Variants in TMEM132D observed in about 807,000 individuals in gnomAD.
TMEM132D encodes mature OL transmembrane protein.
Under a neutral mutation model 62.3 loss-of-function variants are expected in TMEM132D, and 21 were observed. The ratio of observed to expected loss-of-function variants is 0.34; its 90% CI spans 0.24 to 0.49. TMEM132D has a LOEUF of 0.49. TMEM132D is among the 20% of genes least tolerant of loss of function. The pLI, the probability that TMEM132D is intolerant of heterozygous loss-of-function variation, is 0.99. For missense variants in TMEM132D, 1,346 were observed against 1,402.8 expected (o/e 0.96, Z 0.65); for synonymous variants, 621 against 575.6 (o/e 1.08, Z -1.13).
chr12:129,417,686 G>A (rs556312840), intron 3 of TMEM132D, among the ~76,000 whole-genome samples: 63 of 152,140 alleles, frequency 4.1e-4, no homozygotes, highest in Non-Finnish European at 8.2e-4. Context: ...GCAAAAAAGT[G>A]CCAAAATTGA....
At chr12:129,202,808 C>T (rs769566556) in intron 5 of TMEM132D, among the ~76,000 whole-genome samples, 29 of 152,166 alleles carry the variant, frequency 1.9e-4, no homozygotes, top group Admixed American at 5.2e-4. Context: ...TCAGGTATTA[C>T]ACCTCCAGGG....
chr12:129,337,780 C>A lies in TMEM132D; in HGVS notation c.1153G>T (p.Val385Leu). The A allele has an allele frequency of 6.2e-7, 1 of 1,613,716 alleles. No homozygotes were observed. Among genetic ancestry groups the A allele is most frequent in the Non-Finnish European group, 8.5e-7 (1 of 1,179,784 alleles). Residue 385 changes from valine (V) to leucine (L), a missense_variant, in exon 4 of 9, where the codon GTG (valine) becomes TTG (leucine). By Grantham distance (32) the Val-to-Leu change is conservative. Coordinates refer to ENST00000422113, the MANE Select transcript of TMEM132D (RefSeq NM_133448.3). ...AGGTCACCAGGCTCTTCCACCTCCA[C>A]ATCGATCTGCATGACCTCGTAGGAG... Reference protein sequence around the residue: ...GASYEVMQIDVEVEEPGDLPA... With the variant: ...GASYEVMQIDLEVEEPGDLPA...
chr12:129,869,725 G>T (rs546732708), intron 1 of TMEM132D, among the ~76,000 whole-genome samples: 1 of 152,086 alleles, frequency 6.6e-6, no homozygotes, highest in African/African-American at 2.4e-5. Flanking sequence ...TCTTGATGGC[G>T]CTTCTTGAAC....
At chr12:129,143,462 C>G (rs930372407) in intron 5 of TMEM132D, among the ~76,000 whole-genome samples, 2 of 152,202 alleles carry the variant, frequency 1.3e-5, no homozygotes, top group African/African-American at 4.8e-5. Flanking sequence ...ATCAGCATTC[C>G]TTCTCCCAGC....
At chr12:129,541,841 A>G (rs992117571) in intron 2 of TMEM132D, among the ~76,000 whole-genome samples, 1 of 152,194 alleles carries the variant, frequency 6.6e-6, no homozygotes, top group Non-Finnish European at 1.5e-5. Context: ...GATTATTACC[A>G]TTATCTTCTT....
intron 2 of TMEM132D, among the ~76,000 whole-genome samples, chr12:129,634,361 C>A (rs1172638737): frequency 1.3e-5 from 2 of 151,510 alleles, no homozygotes; most frequent in Admixed American, 1.3e-4. Context: ...GTGGTCCCAG[C>A]TGCTCGGGAG....
intron 3 of TMEM132D, among the ~76,000 whole-genome samples, chr12:129,514,071 C>T (rs1428810379): frequency 6.6e-6 from 1 of 151,230 alleles, no homozygotes; most frequent in Non-Finnish European, 1.5e-5. Flanking sequence ...GATCCCCTGA[C>T]CTTGTGATCC....
chr12:129,413,388 C>A (rs927138131), intron 3 of TMEM132D, among the ~76,000 whole-genome samples: 3 of 152,180 alleles, frequency 2.0e-5, no homozygotes, highest in Non-Finnish European at 4.4e-5. Context: ...GATTGTGAGA[C>A]CTCCCCAGCC....
chr12:129,662,771 G>A (rs1370898236), intron 2 of TMEM132D, among the ~76,000 whole-genome samples: 24 of 109,810 alleles, frequency 2.2e-4, no homozygotes, highest in Middle Eastern at 0.01. Flanking sequence ...CCAGCCTGGC[G>A]ACAGAGCAAG....
intron 2 of TMEM132D, among the ~76,000 whole-genome samples, chr12:129,629,481 T>C (rs1879301385): frequency 6.6e-6 from 1 of 152,124 alleles, no homozygotes; most frequent in African/African-American, 2.4e-5. Flanking sequence ...CAGAAAATAT[T>C]CTCCACCCTC....
chr12:129,078,387 T>C, intron 8 of TMEM132D, 147 bp downstream of exon 8: 1 of 735,112 alleles, frequency 1.4e-6, no homozygotes, highest in Non-Finnish European at 2.2e-6. Flanking sequence ...GTCACCTGCT[T>C]CAGAAGAGCC....
At chr12:129,813,631 T>TATA (rs36010730) in intron 1 of TMEM132D, among the ~76,000 whole-genome samples, 3 of 144,044 alleles carry the variant, frequency 2.1e-5, no homozygotes, top group South Asian at 2.3e-4. Context: ...TATATATATA[T>TATA]TTTCAGGACT....
intron 3 of TMEM132D, among the ~76,000 whole-genome samples, chr12:129,412,799 G>A (rs1301086430): frequency 1.4e-4 from 22 of 152,176 alleles, no homozygotes; most frequent in Admixed American, 1.4e-3. Flanking sequence ...GTTGCAGTGA[G>A]CCAAGATCAT....
chr12:129,576,572 G>A (rs577998909), intron 2 of TMEM132D, among the ~76,000 whole-genome samples: 48 of 148,410 alleles, frequency 3.2e-4, no homozygotes, highest in Non-Finnish European at 5.8e-4. Flanking sequence ...ATGTGTAGGT[G>A]TAGCTACACA....
Position 129,636,737 on chromosome 12 carries a change from T to TGAGAGA in TMEM132D, c.968+63067_968+63072dup, listed in dbSNP as rs1555223034. 9.7e-4 allele frequency among the ~76,000 whole-genome samples: 110 copies of TGAGAGA among 113,558 alleles called. 1 individual carries two copies. The highest frequency in any genetic ancestry group is 2.9e-3 in the East Asian group (10 of 3,396). The allele number at this position is 113,558 out of a possible 152,430, so 74.5% of individuals were successfully genotyped here. A position where few individuals can be genotyped will look rare whatever the true frequency, so the allele number is the denominator to read the frequency against. Reference sequence around the variant, plus strand: ...GTGTGTGTGTGTGTGTGTGTGTGTGTGAGAGAGAGAGAGAGAGAGACAGAG... The same window carrying TGAGAGA: ...GTGTGTGTGTGTGTGTGTGTGTGTGTGAGAGAGAGAGAGAGAGAGAGAGAGACAGAG... On this transcript the variant is annotated intron_variant, in intron 2 of 8. Coordinates refer to ENST00000422113, the MANE Select transcript of TMEM132D (RefSeq NM_133448.3).
intron 3 of TMEM132D, among the ~76,000 whole-genome samples, chr12:129,351,126 C>T (rs1242748364): frequency 2.0e-5 from 3 of 152,148 alleles, no homozygotes; most frequent in Non-Finnish European, 2.9e-5. Context: ...CCCTTCTCTT[C>T]GGGGATGGTT....
intron 3 of TMEM132D, among the ~76,000 whole-genome samples, chr12:129,530,789 T>C (rs1876194407): frequency 1.3e-5 from 2 of 152,162 alleles, no homozygotes; most frequent in Admixed American, 6.5e-5. Context: ...AAGAGGAACA[T>C]GGTTTGTGGG....
intron 4 of TMEM132D, among the ~76,000 whole-genome samples, chr12:129,320,207 C>T (rs943623647): frequency 6.6e-6 from 1 of 152,180 alleles, no homozygotes; most frequent in African/African-American, 2.4e-5. Flanking sequence ...ATACCTGGAA[C>T]ACCATTTTCA....
chr12:129,256,467 C>T (rs896756976), intron 4 of TMEM132D, among the ~76,000 whole-genome samples: 1 of 152,106 alleles, frequency 6.6e-6, no homozygotes, highest in African/African-American at 2.4e-5. Flanking sequence ...GTTGCCCAGG[C>T]TGGAGTGCAG....
Sources: gnomAD v4.1 joint callset for allele counts (sites outside exome capture counted in the v4.1 genomes callset) on GRCh38, gnomAD v4.1.1 for gene constraint, MANE v1.5 for transcripts, NCBI Gene and HGNC (gene_info 2026-07-23, HGNC 2026-07-21) for gene names.